Variants in MAD2L1 observed in about 807,000 individuals in gnomAD.
The protein encoded by MAD2L1 is mitotic spindle assembly checkpoint protein MAD2A.
In MAD2L1, 10 loss-of-function variants were observed where a neutral mutation model predicts 25.9. The ratio of observed to expected loss-of-function variants is 0.39; its 90% CI spans 0.24 to 0.66. The LOEUF (loss-of-function observed/expected upper bound fraction) is 0.66, where lower values mean the gene tolerates loss of function less well. MAD2L1 is among the 30% of genes least tolerant of loss of function. MAD2L1 has a pLI of 0.49. For synonymous variants in MAD2L1, 81 were observed against 91.8 expected, an observed-to-expected ratio of 0.88 and a Z score of 0.67; for missense variants, 180 against 246.4, an observed-to-expected ratio of 0.73 and a Z score of 1.80.
At chr4:120,065,867 C>T (rs746127377) in intron 1 of MAD2L1, 49 bp from the exon 2 acceptor site, 67 of 1,584,636 alleles carry the variant, frequency 4.2e-5, no homozygotes, top group Non-Finnish European at 4.4e-5. Flanking sequence ...CTGCATAACT[C>T]TGGAAAATAA....
chr4:120,061,291 CT>C (rs1468796658), intron 3 of MAD2L1, among the ~76,000 whole-genome samples: 1 of 152,050 alleles, frequency 6.6e-6, no homozygotes, highest in Non-Finnish European at 1.5e-5. Context: ...TTCAGCATCT[CT>C]TGAAATAAAA....
intron 1 of MAD2L1, 29 bp downstream of exon 1, chr4:120,066,633 C>A (rs747456543): frequency 6.3e-7 from 1 of 1,584,942 alleles, no homozygotes; most frequent in Admixed American, 1.7e-5. Flanking sequence ...TCCGTTCCCC[C>A]CGATATATTG....
chr4:120,059,973 A>G lies in MAD2L1; in HGVS notation c.*145T>C, dbSNP rs547628264. 426 of 589,658 alleles carry G rather than the reference A, an allele frequency of 7.2e-4. 2 individuals carry two copies. The highest frequency in any genetic ancestry group is 7.2e-3 in the African/African-American group (390 of 54,074). The allele number at this position is 589,658 out of a possible 1,614,324, so 36.5% of individuals were successfully genotyped here. On this transcript the variant is annotated 3_prime_UTR_variant, in exon 5 of 5. Transcript: ENST00000296509. The stretch of plus-strand genomic sequence containing the variant: ...TAGGTACCAAAAAAATAAAAGGAAC[A>G]ATTACACACAGTTCAGTAAGTATCA...
chr4:120,062,035 C>T lies in MAD2L1; in HGVS notation c.281G>A (p.Gly94Asp). 2 of 1,613,060 alleles carry T rather than the reference C, an allele frequency of 1.2e-6. No homozygotes were observed. Among genetic ancestry groups the T allele is most frequent in the Non-Finnish European group, 1.7e-6 (2 of 1,179,328 alleles). Residue 94 changes from glycine to aspartate, a missense_variant, in exon 3 of 5, where the codon GGT becomes GAT. Transcript: ENST00000296509. Reference protein sequence around the residue: ...LVVVISNIESGEVLERWQFDI... With the variant: ...LVVVISNIESDEVLERWQFDI... Reference sequence around the variant, plus strand: ...AAACTGCCATCTTTCCAGGACCTCACCACTTTCAATATTTGAGATAACTAC... The same window carrying T: ...AAACTGCCATCTTTCCAGGACCTCATCACTTTCAATATTTGAGATAACTAC...
chr4:120,066,723 C>G lies in MAD2L1; in HGVS notation c.12G>C (p.Gln4His), dbSNP rs1726329220. 6.2e-7 allele frequency: 1 copy of G among 1,600,654 alleles called. No individual in the cohort carries two copies. Among genetic ancestry groups the G allele is most frequent in the Admixed American group, 1.7e-5 (1 of 58,922 alleles). ...GGGTGATTCCCTGCTCCCGGGAGAG[C>G]TGCAGCGCCATGGCCAGGGACACAA... Reference protein sequence around the residue: MALQLSREQGITLR... With the variant: MALHLSREQGITLR... The change falls in exon 1 of 5, where the codon CAG becomes CAC. Residue 4 changes from glutamine to histidine, a missense_variant. Transcript: ENST00000296509.
Position 120,061,987 on chromosome 4 carries a change from G to A in MAD2L1, c.329C>T (p.Ala110Val). 6.2e-7 allele frequency: 1 copy of A among 1,603,622 alleles called. No individual in the cohort carries two copies. The highest frequency in any genetic ancestry group is 1.1e-5 in the South Asian group (1 of 88,404). ...WQFDIECDKTAKDDSAPREKS... is the reference protein window; with the variant it reads ...WQFDIECDKTVKDDSAPREKS... ...AATTCCTATTTACCTGTCATCTTTT[G>A]CAGTCTTGTCACACTCAATATCAAA... is the stretch of plus-strand genomic sequence containing the variant. The change falls in exon 3 of 5, where the codon GCA becomes GTA. Residue 110 changes from alanine to valine, a missense_variant. By Grantham distance (64) the Ala-to-Val change is moderately conservative. Transcript: ENST00000296509.
chr4:120,060,195 C>T lies in MAD2L1; in HGVS notation c.541G>A (p.Val181Ile). 1 of 1,612,724 alleles carries T rather than the reference C, an allele frequency of 6.2e-7. No individual in the cohort carries two copies. Among genetic ancestry groups the T allele is most frequent in the Non-Finnish European group, 8.5e-7 (1 of 1,179,492 alleles). ...GTAGTAGTAAATGAACGAAGGCGGA[C>T]TTCCTCAGAATTGGTAATAAACTGT... ...GPQFITNSEE[V>I]RLRSFTTTIH... Residue 181 changes from valine (V) to isoleucine (I), a missense_variant, in exon 5 of 5, where the codon GTC becomes ATC. Val to Ile is a conservative substitution (Grantham distance 29). Coordinates refer to ENST00000296509, the MANE Select transcript of MAD2L1 (RefSeq NM_002358.4).
At chr4:120,063,394 C>T (rs1253682233) in intron 2 of MAD2L1, among the ~76,000 whole-genome samples, 1 of 152,146 alleles carries the variant, frequency 6.6e-6, no homozygotes, top group African/African-American at 2.4e-5. Context: ...ATATTTTAGG[C>T]TTATTGGCCA....
chr4:120,058,314 C>A lies in MAD2L1; in HGVS notation c.*1804G>T, dbSNP rs986931705. Reference sequence around the variant, plus strand: ...AATATTGGTAGCTGAGTTGAAATGACCAGAGTATACACACAACCTTTAAAA... The same window carrying A: ...AATATTGGTAGCTGAGTTGAAATGAACAGAGTATACACACAACCTTTAAAA... On this transcript the variant is annotated 3_prime_UTR_variant, in exon 5 of 5. Transcript: ENST00000296509. 1 of 152,042 alleles carries A rather than the reference C, an allele frequency of 6.6e-6. No homozygotes were observed. The allele number at this position is 152,042 out of a possible 1,614,324, so 9.4% of individuals were successfully genotyped here.
At position 120,060,982 on chromosome 4, in the gene MAD2L1, C is replaced by CAAAA; in HGVS notation, c.342-9_342-6dup. 1 of 1,521,390 alleles carries CAAAA rather than the reference C, an allele frequency of 6.6e-7. No homozygotes were observed. The highest frequency in any genetic ancestry group is 9.0e-7 in the Non-Finnish European group (1 of 1,106,260). The allele number at this position is 1,521,390 out of a possible 1,614,324, so 94.2% of individuals were successfully genotyped here. ...TGAGACTTTTCTCTGGGTGCACTGT[C>CAAAA]AAAAAAAAATCAAATCAATTAATTC... On this transcript the variant is annotated splice_region_variant and splice_polypyrimidine_tract_variant and intron_variant, in intron 3 of 4. Transcript: ENST00000296509.
Position 120,058,829 on chromosome 4 carries a change from T to C in MAD2L1, c.*1289A>G, listed in dbSNP as rs974653878. 2 of 152,218 alleles carry C rather than the reference T, an allele frequency of 1.3e-5. No individual in the cohort carries two copies. The highest frequency in any genetic ancestry group is 1.5e-5 in the Non-Finnish European group (1 of 68,034). The allele number at this position is 152,218 out of a possible 1,614,324, so 9.4% of individuals were successfully genotyped here. On this transcript the variant is annotated 3_prime_UTR_variant, in exon 5 of 5. Coordinates refer to ENST00000296509, the MANE Select transcript of MAD2L1 (RefSeq NM_002358.4). ...CCACTGATCCACAGTATTTGCTCAATATGTAATTTCTGAATGAACAGATTC... is the reference window on the plus strand; with the variant it reads ...CCACTGATCCACAGTATTTGCTCAACATGTAATTTCTGAATGAACAGATTC...
At position 120,066,803 on chromosome 4, in the gene MAD2L1, C is replaced by T; in HGVS notation, c.-69G>A. ...AGCAACCACAGCGGCTCCAACAGCA[C>T]TTCCCCGCCAAGCGTTTCAAAAGTA... On this transcript the variant is annotated 5_prime_UTR_variant, in exon 1 of 5. It adds an upstream start codon to the 5' untranslated region. Transcript: ENST00000296509. 2.6e-6 allele frequency: 3 copies of T among 1,162,808 alleles called. No individual in the cohort carries two copies. The South Asian group carries it at 4.0e-5, about 15-fold the overall frequency. The allele number at this position is 1,162,808 out of a possible 1,614,324, so 72.0% of individuals were successfully genotyped here.
Position 120,058,196 on chromosome 4 carries a change from G to C in MAD2L1, c.*1922C>G, listed in dbSNP as rs1214259432. On this transcript the variant is annotated 3_prime_UTR_variant, in exon 5 of 5. Transcript: ENST00000296509. The stretch of plus-strand genomic sequence containing the variant: ...CTTAATTGATTATATAATCTGTAAG[G>C]GGTAAAATGACTCATCATGACTAGC... The C allele has an allele frequency of 6.6e-6, 1 of 152,090 alleles. No individual in the cohort carries two copies. Among genetic ancestry groups the C allele is most frequent in the East Asian group, 1.9e-4 (1 of 5,178 alleles). The allele number at this position is 152,090 out of a possible 1,614,324, so 9.4% of individuals were successfully genotyped here.
In MAD2L1 at chr4:120,055,685, TA is replaced by T. The variant is rs1191036556; in HGVS notation, c.*4432del. The T allele has an allele frequency of 2.0e-5, 3 of 152,066 alleles. No homozygotes were observed. Among genetic ancestry groups the T allele is most frequent in the Non-Finnish European group, 4.4e-5 (3 of 67,996 alleles). The allele number at this position is 152,066 out of a possible 1,614,324, so 9.4% of individuals were successfully genotyped here. A position where few individuals can be genotyped will look rare whatever the true frequency, so the allele number is the denominator to read the frequency against. The stretch of plus-strand genomic sequence containing the variant: ...AATAACTAGAAATATTTCATACATT[TA>T]AAAAAAGAATAAGAAATTATTTACA... On this transcript the variant is annotated 3_prime_UTR_variant, in exon 5 of 5. Coordinates refer to ENST00000296509, the MANE Select transcript of MAD2L1 (RefSeq NM_002358.4).
chr4:120,063,763 G>A (rs1726264694), intron 2 of MAD2L1, among the ~76,000 whole-genome samples: 1 of 152,196 alleles, frequency 6.6e-6, no homozygotes, highest in Non-Finnish European at 1.5e-5. Flanking sequence ...TGTAATCCCA[G>A]CACTTTGGGA....
chr4:120,059,255 G>A lies in MAD2L1; in HGVS notation c.*863C>T, dbSNP rs1322788202. ...AGCCTTAAGTCTATTGCTATGAGAT[G>A]AACAGGATGTGATCAAAGTTTATCC... On this transcript the variant is annotated 3_prime_UTR_variant, in exon 5 of 5. Coordinates refer to ENST00000296509, the MANE Select transcript of MAD2L1 (RefSeq NM_002358.4). 6.6e-6 allele frequency: 1 copy of A among 152,154 alleles called. No homozygotes were observed. The highest frequency in any genetic ancestry group is 1.9e-4 in the East Asian group (1 of 5,194). 9.4% of individuals were successfully genotyped at this position (152,154 alleles called of 1,614,324 possible). A position where few individuals can be genotyped will look rare whatever the true frequency, so the allele number is the denominator to read the frequency against.
rs1441656793 is a variant in MAD2L1 at position 120,056,261 on chromosome 4, TTAAA to T, written c.*3853_*3856del. ...TTACTTGTGCACAAAAGCATGAGAA[TTAAA>T]TAAAAATTCATGTGAAGTGACTAGT... On this transcript the variant is annotated 3_prime_UTR_variant, in exon 5 of 5. Coordinates refer to ENST00000296509, the MANE Select transcript of MAD2L1 (RefSeq NM_002358.4). The T allele has an allele frequency of 5.3e-5, 8 of 152,314 alleles. No individual in the cohort carries two copies. The East Asian group carries it at 1.3e-3, about 26-fold the overall frequency. 9.4% of individuals were successfully genotyped at this position (152,314 alleles called of 1,614,324 possible).
chr4:120,060,537 C>T (rs1726195270), intron 4 of MAD2L1, among the ~76,000 whole-genome samples: 1 of 152,100 alleles, frequency 6.6e-6, no homozygotes, highest in African/African-American at 2.4e-5. Context: ...TCCCAAAGCA[C>T]AAGAATAGTG....
Position 120,065,736 on chromosome 4 carries a change from G to C in MAD2L1, c.156C>G (p.Thr52=). ...TFTRVQKYGL[T]LLVTTDLELI... ...GCTCAAGATCAGTAGTTACAAGCAA[G>C]GTGAGTCCGTATTTCTGCACTCGAG... Residue 52 remains threonine, a synonymous_variant, in exon 2 of 5, where the codon ACC becomes ACG. Transcript: ENST00000296509. 1 of 1,613,776 alleles carries C rather than the reference G, an allele frequency of 6.2e-7. No individual in the cohort carries two copies. The highest frequency in any genetic ancestry group is 8.5e-7 in the Non-Finnish European group (1 of 1,179,768).
Sources: gnomAD v4.1 joint callset for allele counts (sites outside exome capture counted in the v4.1 genomes callset) on GRCh38, gnomAD v4.1.1 for gene constraint, MANE v1.5 for transcripts, NCBI Gene and HGNC (gene_info 2026-07-23, HGNC 2026-07-21) for gene names.